VWA5B1: variants seen among roughly 807,000 people sequenced by gnomAD.
The protein encoded by VWA5B1 is von Willebrand factor A domain-containing protein 5B1.
A neutral mutation model predicts 118.2 loss-of-function variants in VWA5B1; 115 were observed. That is an observed-to-expected ratio of 0.97 (90% CI 0.84 to 1.14). The LOEUF is 1.14. VWA5B1 is among the 50% of genes most tolerant of loss of function. The pLI, the probability that VWA5B1 is intolerant of heterozygous loss-of-function variation, is 0.00. For synonymous variants in VWA5B1, 682 were observed against 658.4 expected, an observed-to-expected ratio of 1.04 and a Z score of -0.55; for missense variants, 1,596 against 1,603.8, an observed-to-expected ratio of 1.00 and a Z score of 0.08.
chr1:20,317,709 C>A, intron 5 of VWA5B1, 34 bp downstream of exon 5: 2 of 1,526,406 alleles, frequency 1.3e-6, no homozygotes, highest in Non-Finnish European at 8.8e-7. Flanking sequence ...GATGGGTGAG[C>A]TTCAGGCGAA....
At chr1:20,330,847 C>T in intron 10 of VWA5B1, 22 bp from the exon 11 acceptor site, 3 of 1,545,968 alleles carry the variant, frequency 1.9e-6, no homozygotes, top group Non-Finnish European at 2.6e-6. Flanking sequence ...ACATAGCAGC[C>T]TCTCTTCTCC....
chr1:20,310,254 G>A (rs2088807092), intron 1 of VWA5B1, among the ~76,000 whole-genome samples: 1 of 152,132 alleles, frequency 6.6e-6, no homozygotes, highest in South Asian at 2.1e-4. Context: ...GGTCTGTTGG[G>A]GAGAATTCCA....
chr1:20,326,985 T>TCATTG (rs2089405706), intron 8 of VWA5B1, among the ~76,000 whole-genome samples: 1 of 152,226 alleles, frequency 6.6e-6, no homozygotes, highest in Admixed American at 6.5e-5. Context: ...TTGATATTTA[T>TCATTG]CATTGCATTG....
chr1:20,291,971 C>G (rs866797818), intron 1 of VWA5B1, among the ~76,000 whole-genome samples: 6 of 152,186 alleles, frequency 3.9e-5, no homozygotes, highest in Non-Finnish European at 8.8e-5. Flanking sequence ...GCCTGTGGGG[C>G]GGGGGCCAGA....
At chr1:20,337,582 A>C in intron 13 of VWA5B1, 64 bp from the exon 14 acceptor site, 1 of 1,470,738 alleles carries the variant, frequency 6.8e-7, no homozygotes, top group African/African-American at 1.4e-5. Context: ...AGGAAAGGGG[A>C]TGCAAGCCCC....
chr1:20,348,558 C>A (rs987759603), intron 18 of VWA5B1, among the ~76,000 whole-genome samples, 200 bp downstream of exon 18: 1 of 152,088 alleles, frequency 6.6e-6, no homozygotes, highest in Non-Finnish European at 1.5e-5. Context: ...ATGGCCGGAG[C>A]GCACCACCAC....
chr1:20,317,746 GGGGGT>G, intron 5 of VWA5B1, 71 bp downstream of exon 5: 1 of 1,436,404 alleles, frequency 7.0e-7, no homozygotes, highest in Non-Finnish European at 9.3e-7. Flanking sequence ...GGGATGGGAC[GGGGGT>G]GGGAAGGAAA....
At chr1:20,323,659 G>T in intron 8 of VWA5B1, 127 bp downstream of exon 8, 1 of 1,043,904 alleles carries the variant, frequency 9.6e-7, no homozygotes, top group Non-Finnish European at 1.3e-6. Flanking sequence ...TTTAAACAGA[G>T]ATACCCAAAC....
intron 1 of VWA5B1, among the ~76,000 whole-genome samples, chr1:20,304,812 C>G (rs1244369844): frequency 6.6e-6 from 1 of 152,098 alleles, no homozygotes; most frequent in Admixed American, 6.5e-5. Flanking sequence ...GTGGTTTACT[C>G]TTAGGTCATT....
rs61742171 is a variant in VWA5B1, at chr1:20,353,782, C to G, written c.3167C>G (p.Ala1056Gly). Residue 1056 changes from alanine (A) to glycine (G), a missense_variant, in exon 22 of 22, where the codon GCC becomes GGC. Physicochemically the swap from Ala to Gly is moderately conservative, Grantham distance 60. Transcript: ENST00000289815. ...PLVSLQLASG[A>G]FLLNEAFCEA... is the part of the protein sequence containing the mutation. Reference sequence around the variant, plus strand: ...GTGTCTCTGCAGCTGGCCTCCGGAGCCTTCCTGCTCAACGAAGCCTTCTGT... The same window carrying G: ...GTGTCTCTGCAGCTGGCCTCCGGAGGCTTCCTGCTCAACGAAGCCTTCTGT... 295 of 1,465,080 alleles carry G rather than the reference C, an allele frequency of 2.0e-4. 1 individual carries two copies. Among genetic ancestry groups the G allele is most frequent in the Non-Finnish European group, 2.4e-4 (264 of 1,106,222 alleles). The allele number at this position is 1,465,080 out of a possible 1,614,324, so 90.8% of individuals were successfully genotyped here.
chr1:20,340,894 C>T lies in VWA5B1; in HGVS notation c.2134-1538C>T, dbSNP rs56186468. On this transcript the variant is annotated intron_variant, in intron 14 of 21. Transcript: ENST00000289815. Reference sequence around the variant, plus strand: ...TTTTAATAATCACATATAAAAACTGCTCTCCAACTTACTTTTCAAATGTCT... The same window carrying T: ...TTTTAATAATCACATATAAAAACTGTTCTCCAACTTACTTTTCAAATGTCT... Among the ~76,000 whole-genome samples, 870 of 152,298 alleles carry T rather than the reference C, an allele frequency of 5.7e-3. 5 individuals are homozygous for T. Among genetic ancestry groups the T allele is most frequent in the Non-Finnish European group, 9.7e-3 (663 of 68,022 alleles).
At chr1:20,316,313 GT>G (rs2089006222) in intron 4 of VWA5B1, among the ~76,000 whole-genome samples, 1 of 152,154 alleles carries the variant, frequency 6.6e-6, no homozygotes. Flanking sequence ...TCATGGTGGC[GT>G]TATTTGTGGA....
Position 20,312,990 on chromosome 1 carries a change from T to C in VWA5B1, c.292+2T>C. The C allele has an allele frequency of 6.4e-7, 1 of 1,551,194 alleles. No individual in the cohort carries two copies. The highest frequency in any genetic ancestry group is 1.4e-5 in the African/African-American group (1 of 73,148). ...ATGTTCGATCCCCAACAGTCACAGG[T>C]AAGGAGACCAGAAGGGCTGCCGCGG... On this transcript the variant is annotated splice_donor_variant, in intron 3 of 21. Coordinates refer to ENST00000289815, the MANE Select transcript of VWA5B1 (RefSeq NM_001039500.3). LOFTEE classifies it high-confidence loss of function.
intron 1 of VWA5B1, among the ~76,000 whole-genome samples, chr1:20,291,619 T>A (rs987750776): frequency 1.3e-5 from 2 of 152,004 alleles, no homozygotes; most frequent in African/African-American, 4.8e-5. Context: ...TCATTTGTCC[T>A]CCAGAGCTCT....
chr1:20,303,719 ATC>A, intron 1 of VWA5B1, among the ~76,000 whole-genome samples: 1 of 152,046 alleles, frequency 6.6e-6, no homozygotes, highest in Admixed American at 6.5e-5. Flanking sequence ...TGCCTTCCCA[ATC>A]TCTTTCTGAA....
chr1:20,346,113 A>G (rs1473134514), intron 17 of VWA5B1, among the ~76,000 whole-genome samples: 1 of 152,242 alleles, frequency 6.6e-6, no homozygotes, highest in African/African-American at 2.4e-5. Flanking sequence ...CATGAAATGA[A>G]TCTATATCAT....
At position 20,310,696 on chromosome 1, in the gene VWA5B1, C is replaced by T; in HGVS notation, c.95C>T (p.Thr32Ile). Residue 32 changes from threonine (T) to isoleucine (I), a missense_variant, in exon 2 of 22, where the codon ACT becomes ATT. Coordinates refer to ENST00000289815, the MANE Select transcript of VWA5B1 (RefSeq NM_001039500.3). ...GTCAGCGGTTATGCCCTGGGCCTAA[C>T]TGCCTCCCTCACCTATGGCAACCTG... ...SCVSGYALGL[T>I]ASLTYGNLEA... The T allele has an allele frequency of 6.4e-7, 1 of 1,551,020 alleles. No homozygotes were observed. Among genetic ancestry groups the T allele is most frequent in the Non-Finnish European group, 8.7e-7 (1 of 1,146,764 alleles).
intron 8 of VWA5B1, among the ~76,000 whole-genome samples, chr1:20,327,018 A>G (rs2100910668): frequency 6.6e-6 from 1 of 152,226 alleles, no homozygotes; most frequent in South Asian, 2.1e-4. Context: ...CGTCACCATC[A>G]TGATCATCAT....
Position 20,358,135 on chromosome 1 carries a change from C to T in VWA5B1, c.*3872C>T, listed in dbSNP as rs752555684. Among the ~76,000 whole-genome samples the T allele has an allele frequency of 2.0e-4, 31 of 152,176 alleles. No homozygotes were observed. The highest frequency in any genetic ancestry group is 4.1e-4 in the Non-Finnish European group (28 of 68,040). On this transcript the variant is annotated 3_prime_UTR_variant, in exon 22 of 22. Transcript: ENST00000289815. ...GTTTCCCCAGCCAGTCCCTTCTCTG[C>T]GGGCAAAATGAATGGCATCCCCTAG...
Sources: allele counts gnomAD v4.1 joint callset (sites outside exome capture counted in the v4.1 genomes callset), GRCh38; gene constraint gnomAD v4.1.1; transcripts MANE v1.5; gene names NCBI Gene and HGNC (gene_info 2026-07-23, HGNC 2026-07-21).